Variants in HNRNPU observed in about 807,000 individuals in gnomAD.
The protein encoded by HNRNPU is HNRNPU antisense RNA 1.
In HNRNPU, 5 loss-of-function variants were observed where a neutral mutation model predicts 94.7. The ratio of observed to expected loss-of-function variants is 0.05; its 90% CI spans 0.03 to 0.11. The LOEUF (loss-of-function observed/expected upper bound fraction) is 0.11, where lower values mean the gene tolerates loss of function less well. Ranked by LOEUF, HNRNPU falls within the 10% of genes least tolerant of loss-of-function variation. HNRNPU has a pLI of 1.00. For synonymous variants in HNRNPU, 434 were observed against 381.6 expected (o/e 1.14, Z -1.60); for missense variants, 710 against 1,049.2 (o/e 0.68, Z 4.47).
rs1573337570 is a variant in HNRNPU at position 244,863,690 on chromosome 1, G to A, written c.618C>T (p.Gly206=). ...VTVAPPGARQ[G]QQQAGGKKKA... The stretch of plus-strand genomic sequence containing the variant: ...TCTTCTTACCTCCCGCCTGCTGCTG[G>A]CCCTGCCTCGCCCCGGGCGGCGCCA... The change falls in exon 1 of 14, where the codon GGC becomes GGT. Residue 206 remains glycine, a synonymous_variant. Coordinates refer to ENST00000640218, the MANE Select transcript of HNRNPU (RefSeq NM_031844.3). 6.4e-7 allele frequency: 1 copy of A among 1,563,210 alleles called. No individual in the cohort carries two copies. The highest frequency in any genetic ancestry group is 8.6e-7 in the Non-Finnish European group (1 of 1,163,710).
rs1680561616 is a variant in HNRNPU, at chr1:244,852,011, C to T, written c.*2439G>A. On this transcript the variant is annotated 3_prime_UTR_variant, in exon 14 of 14. Transcript: ENST00000640218. ...GCACCCTTCAAATCAACAGCAATCTCACAGTGAGTTTCCTCTGGGTAGTCA... is the reference window on the plus strand; with the variant it reads ...GCACCCTTCAAATCAACAGCAATCTTACAGTGAGTTTCCTCTGGGTAGTCA... 6.6e-6 allele frequency: 1 copy of T among 152,164 alleles called. No individual in the cohort carries two copies. Among genetic ancestry groups the T allele is most frequent in the African/African-American group, 2.4e-5 (1 of 41,424 alleles). 9.4% of individuals were successfully genotyped at this position (152,164 alleles called of 1,614,324 possible).
At chr1:244,863,421 C>T (rs1680903666) in intron 1 of HNRNPU, among the ~76,000 whole-genome samples, 196 bp downstream of exon 1, 1 of 110,686 alleles carries the variant, frequency 9.0e-6, no homozygotes, top group Non-Finnish European at 2.0e-5. Flanking sequence ...CACACACACA[C>T]GCGCGCGCGC....
Position 244,862,717 on chromosome 1 carries a change from T to C in HNRNPU, c.705A>G (p.Thr235=), listed in dbSNP as rs2102989500. Residue 235 remains threonine (T), a synonymous_variant, in exon 2 of 14, where the codon ACA becomes ACG. Transcript: ENST00000640218. ...TCTTTTTATCTCCGCCTTTCTGTTC[T>C]GTTTTGCCGTCCCCTAAAACACACA... is the stretch of plus-strand genomic sequence containing the variant. The part of the protein sequence containing the change: ...PGAPAAGDGK[T]EQKGGDKKRG... 2 of 1,613,972 alleles carry C rather than the reference T, an allele frequency of 1.2e-6. No individual in the cohort carries two copies. The highest frequency in any genetic ancestry group is 1.7e-6 in the Non-Finnish European group (2 of 1,179,802).
In HNRNPU at chr1:244,854,059, A is replaced by G. The variant is rs1456003631; in HGVS notation, c.*391T>C. On this transcript the variant is annotated 3_prime_UTR_variant, in exon 14 of 14. Coordinates refer to ENST00000640218, the MANE Select transcript of HNRNPU (RefSeq NM_031844.3). ...ATCTGGTTGCTAACATTTCTATTAT[A>G]TTGTGACAATGACTCCCGACTGTTA... 8.7e-6 allele frequency: 2 copies of G among 231,204 alleles called. No homozygotes were observed. Among genetic ancestry groups the G allele is most frequent in the Non-Finnish European group, 1.7e-5 (2 of 118,070 alleles). 14.3% of individuals were successfully genotyped at this position (231,204 alleles called of 1,614,324 possible).
Position 244,854,753 on chromosome 1 carries a change from AAAT to A in HNRNPU, c.2424+217_2424+219del, listed in dbSNP as rs745838882. On this transcript the variant is annotated intron_variant, in intron 13 of 13. Transcript: ENST00000640218. ...TAGCAGTAAAAGAACTGTATATATT[AAAT>A]AATATTACTTTATTAAAAAAATTTA... The A allele has an allele frequency of 4.3e-4, 221 of 510,740 alleles. 1 individual carries two copies. In the East Asian group the frequency reaches 4.6e-3, roughly 11 times the overall value. 31.6% of individuals were successfully genotyped at this position (510,740 alleles called of 1,614,324 possible).
Position 244,864,162 on chromosome 1 carries a change from C to T in HNRNPU, c.146G>A (p.Gly49Asp), listed in dbSNP as rs199973300. The change falls in exon 1 of 14, where the codon GGC becomes GAC. Residue 49 changes from glycine (G) to aspartate (D), a missense_variant. Transcript: ENST00000640218. ...QAALDDEEAG[G>D]RPAMEPGNGS... ...GTTCCCGGGCTCCATGGCGGGGCGG[C>T]CCCCGGCCTCCTCGTCGTCCAGCGC... 3.6e-5 allele frequency: 57 copies of T among 1,603,176 alleles called. No individual in the cohort carries two copies. The highest frequency in any genetic ancestry group is 1.7e-6 in the Non-Finnish European group (2 of 1,175,364).
intron 8 of HNRNPU, 80 bp downstream of exon 8, chr1:244,857,518 A>G (rs1409583087): frequency 2.1e-6 from 3 of 1,414,804 alleles, no homozygotes; most frequent in African/African-American, 2.9e-5. Flanking sequence ...AAATGCTGAG[A>G]TTACAGGCGT....
In HNRNPU at chr1:244,864,068, G is replaced by C. The variant is rs1374405303; in HGVS notation, c.240C>G (p.Ala80=). The C allele has an allele frequency of 1.9e-6, 3 of 1,602,620 alleles. No individual in the cohort carries two copies. Among genetic ancestry groups the C allele is most frequent in the Non-Finnish European group, 2.6e-6 (3 of 1,175,094 alleles). Residue 80 remains alanine, a synonymous_variant, in exon 1 of 14, where the codon GCC becomes GCG. Transcript: ENST00000640218. Reference sequence around the variant, plus strand: ...CTTCCTCCTCCTCTTCATCGCCGCCGGCCGCGGCCTCCTGCTCGAGGCCTG... The same window carrying C: ...CTTCCTCCTCCTCTTCATCGCCGCCCGCCGCGGCCTCCTGCTCGAGGCCTG... ...SGAGLEQEAA[A]GGDEEEEEEE...
intron 6 of HNRNPU, 185 bp downstream of exon 6, chr1:244,858,544 G>A: frequency 1.6e-6 from 1 of 610,210 alleles, no homozygotes; most frequent in Non-Finnish European, 2.9e-6. Context: ...AAATGAATTA[G>A]TGAGTTCCTC....
chr1:244,860,515 T>A, intron 3 of HNRNPU, 41 bp from the exon 4 acceptor site: 1 of 1,521,370 alleles, frequency 6.6e-7, no homozygotes, highest in Non-Finnish European at 9.1e-7. Flanking sequence ...TGACATCCAA[T>A]GTAAACATAT....
intron 8 of HNRNPU, chr1:244,857,267 A>G: frequency 4.5e-6 from 1 of 224,608 alleles, no homozygotes; most frequent in Non-Finnish European, 8.5e-6. Context: ...TTTTTCTGAG[A>G]CGGAGTGTTG....
Position 244,863,850 on chromosome 1 carries a change from C to T in HNRNPU, c.458G>A (p.Gly153Asp), listed in dbSNP as rs369208639. The change falls in exon 1 of 14, where the codon GGC (glycine) becomes GAC (aspartate). Residue 153 changes from glycine (G) to aspartate (D), a missense_variant. Around this residue, in one of 8 missense-constraint regions of HNRNPU, gnomAD observed 292 missense variants for 293.4 expected, o/e 1.00. Transcript: ENST00000640218. ...CTGCTCCCCGTGCCCGTTCTCGTCG[C>T]CCGCGCCTTCCTCTTCGTCCCCGAG... is the stretch of plus-strand genomic sequence containing the variant. ...DELGDEEEGA[G>D]DENGHGEQQP... is the part of the protein sequence containing the mutation. The T allele has an allele frequency of 4.8e-5, 77 of 1,613,248 alleles. No individual in the cohort carries two copies. The highest frequency in any genetic ancestry group is 5.9e-6 in the Non-Finnish European group (7 of 1,179,860).
intron 12 of HNRNPU, 174 bp downstream of exon 12, chr1:244,855,250 C>A: frequency 1.3e-6 from 1 of 749,110 alleles, no homozygotes. Context: ...GTTTAGTACA[C>A]CTGAAAAAAC....
At chr1:244,861,716 A>C (rs1326206057) in intron 3 of HNRNPU, 1 of 145,804 alleles carries the variant, frequency 6.9e-6, no homozygotes, top group Non-Finnish European at 1.5e-5. Context: ...CATTCTCATC[A>C]CTAAACCAAC....
intron 11 of HNRNPU, 144 bp downstream of exon 11, chr1:244,855,759 TG>T: frequency 8.1e-7 from 1 of 1,232,406 alleles, no homozygotes; most frequent in Non-Finnish European, 1.1e-6. Flanking sequence ...ATAACCTAGG[TG>T]TATTTAATAT....
chr1:244,862,575 A>G, intron 2 of HNRNPU, 41 bp from the exon 3 acceptor site: 2 of 1,609,012 alleles, frequency 1.2e-6, no homozygotes, highest in Non-Finnish European at 1.7e-6. Flanking sequence ...TTTCCGATCA[A>G]CGAACGAATA....
intron 1 of HNRNPU, 185 bp from the exon 2 acceptor site, chr1:244,862,915 A>G: frequency 1.6e-6 from 1 of 615,250 alleles, no homozygotes; most frequent in Non-Finnish European, 2.9e-6. Context: ...CGCAGTCTAA[A>G]GACATTACTA....
At chr1:244,860,008 G>GA (rs1221805860) in intron 4 of HNRNPU, 158 of 215,210 alleles carry the variant, frequency 7.3e-4, no homozygotes, top group Middle Eastern at 5.0e-3. Flanking sequence ...ATTTTAAAAA[G>GA]GAAAAAAAAA....
rs780642044 is a variant in HNRNPU, at chr1:244,857,733, G to C, written c.1495-16C>G. ...TCATCACAACCTAGTGAAAAGAAAA[G>C]AAATGTCATTTCACTGTCAGTAGAC... On this transcript the variant is annotated splice_polypyrimidine_tract_variant and intron_variant, in intron 7 of 13. Coordinates refer to ENST00000640218, the MANE Select transcript of HNRNPU (RefSeq NM_031844.3). The C allele has an allele frequency of 1.2e-5, 19 of 1,609,746 alleles. No individual in the cohort carries two copies. Among genetic ancestry groups the C allele is most frequent in the East Asian group, 2.2e-5 (1 of 44,828 alleles).
Sources: allele counts gnomAD v4.1 joint callset (sites outside exome capture counted in the v4.1 genomes callset), GRCh38; gene constraint gnomAD v4.1.1; regional missense constraint gnomAD v4.1.1; transcripts MANE v1.5; gene names NCBI Gene and HGNC (gene_info 2026-07-23, HGNC 2026-07-21).